The following DNAI4 variants were observed in gnomAD, a reference collection of about 807,000 sequenced individuals.
DNAI4 encodes dynein axonemal intermediate chain 4.
DNAI4 carries 85 observed loss-of-function variants against 105.8 expected under a neutral mutation model. The ratio of observed to expected loss-of-function variants is 0.80; its 90% confidence interval spans 0.67 to 0.96. The LOEUF is 0.96. DNAI4 is among the 40% of genes least tolerant of loss of function. The probability of loss-of-function intolerance (pLI) is 0.00; values close to 1 mark genes in which losing one functional copy is unlikely to be tolerated. For synonymous variants in DNAI4, 352 were observed against 331.5 expected, an observed-to-expected ratio of 1.06 and a Z score of -0.67; for missense variants, 1,014 against 1,005.6, an observed-to-expected ratio of 1.01 and a Z score of -0.11.
At chr1:66,822,997 C>G (rs111682951) in intron 15 of DNAI4, among the ~76,000 whole-genome samples, 2 of 151,866 alleles carry the variant, frequency 1.3e-5, no homozygotes, top group Non-Finnish European at 2.9e-5. Flanking sequence ...CATGCTGGTG[C>G]GCTGCACCCA....
At chr1:66,835,961 T>C (rs535138227) in intron 10 of DNAI4, among the ~76,000 whole-genome samples, 184 bp from the exon 11 acceptor site, 102 of 151,758 alleles carry the variant, frequency 6.7e-4, no homozygotes, top group Admixed American at 2.0e-3. Flanking sequence ...GTCATTTCCT[T>C]TGATACAAGT....
rs767577821 is a variant in DNAI4 at position 66,833,944 on chromosome 1, T to C, written c.1891+47A>G. On this transcript the variant is annotated intron_variant, in intron 12 of 16. Transcript: ENST00000371026. ...TTCACACATGGTTAACTAGAAAATTTTAATTCAGCACGTAACAAGAAAAAT... is the reference window on the plus strand; with the variant it reads ...TTCACACATGGTTAACTAGAAAATTCTAATTCAGCACGTAACAAGAAAAAT... The C allele has an allele frequency of 1.6e-5, 24 of 1,541,608 alleles. No individual in the cohort carries two copies. The East Asian group carries it at 5.5e-4, about 35-fold the overall frequency.
At chr1:66,876,272 G>T (rs1646956739) in intron 4 of DNAI4, among the ~76,000 whole-genome samples, 1 of 152,070 alleles carries the variant, frequency 6.6e-6, no homozygotes, top group African/African-American at 2.4e-5. Flanking sequence ...TAAGTGAAAA[G>T]TCCACACAGG....
intron 4 of DNAI4, among the ~76,000 whole-genome samples, chr1:66,882,893 C>CT (rs1403882848): frequency 1.3e-5 from 2 of 151,974 alleles, no homozygotes; most frequent in Non-Finnish European, 2.9e-5. Context: ...TAACTGATAT[C>CT]TTTACAATAC....
chr1:66,895,653 C>T (rs763531443), intron 2 of DNAI4, among the ~76,000 whole-genome samples: 4 of 152,084 alleles, frequency 2.6e-5, no homozygotes, highest in Non-Finnish European at 4.4e-5. Context: ...TGAAATGCTT[C>T]ACCATTTGAC....
At chr1:66,826,197 G>C (rs1403282065) in intron 15 of DNAI4, among the ~76,000 whole-genome samples, 1 of 152,092 alleles carries the variant, frequency 6.6e-6, no homozygotes, top group Non-Finnish European at 1.5e-5. Context: ...AAATGCCTGT[G>C]TATGTTTCTC....
chr1:66,816,616 CA>C (rs1341393201), intron 16 of DNAI4, among the ~76,000 whole-genome samples: 2 of 151,856 alleles, frequency 1.3e-5, no homozygotes, highest in African/African-American at 4.8e-5. Flanking sequence ...CTAAGCCTTT[CA>C]AATATAGTGA....
At chr1:66,909,480 C>T (rs1649500254) in intron 1 of DNAI4, among the ~76,000 whole-genome samples, 1 of 151,000 alleles carries the variant, frequency 6.6e-6, no homozygotes, top group Admixed American at 6.6e-5. Flanking sequence ...GCTGTTTATT[C>T]TTTTCTCTTT....
At chr1:66,870,442 CAAAA>C (rs570013620) in intron 6 of DNAI4, among the ~76,000 whole-genome samples, 4 of 88,802 alleles carry the variant, frequency 4.5e-5, no homozygotes, top group Admixed American at 1.4e-4. Flanking sequence ...AACTGTGCCT[CAAAA>C]AAAAAAAAAA....
At chr1:66,875,063 G>A in intron 4 of DNAI4, 126 bp from the exon 5 acceptor site, 2 of 917,184 alleles carry the variant, frequency 2.2e-6, no homozygotes, top group South Asian at 3.7e-5. Flanking sequence ...CAAGGAACAG[G>A]CCAGGTTGTG....
chr1:66,893,343 G>T lies in DNAI4; in HGVS notation c.416C>A (p.Ala139Glu), dbSNP rs1169466033. The change falls in exon 3 of 17, where the codon GCA becomes GAA. Residue 139 changes from alanine (A) to glutamate (E), a missense_variant. Physicochemically the swap from Ala to Glu is moderately radical, Grantham distance 107. Transcript: ENST00000371026. ...TGATGTCAAGAGTTTACTTGGTTTT[G>T]CTGTACCAGTAAGTGGATCTGGATG... The part of the protein sequence containing the change: ...LYHPDPLTGT[A>E]KPSKLLTSQE... 1 of 1,609,722 alleles carries T rather than the reference G, an allele frequency of 6.2e-7. No homozygotes were observed. The highest frequency in any genetic ancestry group is 1.1e-5 in the South Asian group (1 of 90,432).
At chr1:66,907,258 T>C (rs1461286593) in intron 1 of DNAI4, among the ~76,000 whole-genome samples, 1 of 152,226 alleles carries the variant, frequency 6.6e-6, no homozygotes. Flanking sequence ...GTTTCTGTCA[T>C]ACCACAGACT....
At position 66,924,648 on chromosome 1, in the gene DNAI4, G is replaced by A. The variant is rs751488520; in HGVS notation, c.170+14C>T. ...CCAGGGGGATGGACTACGGTTTTTA[G>A]CGCCGGAACTTACAACCCGAAGTTC... On this transcript the variant is annotated intron_variant, in intron 1 of 16. Transcript: ENST00000371026. 3 of 1,614,118 alleles carry A rather than the reference G, an allele frequency of 1.9e-6. No individual in the cohort carries two copies. Among genetic ancestry groups the A allele is most frequent in the Non-Finnish European group, 2.5e-6 (3 of 1,180,046 alleles).
At chr1:66,858,070 A>G (rs980399326) in intron 7 of DNAI4, among the ~76,000 whole-genome samples, 6 of 152,172 alleles carry the variant, frequency 3.9e-5, no homozygotes, top group African/African-American at 1.4e-4. Context: ...GAATTCTACC[A>G]AATACTAAAG....
intron 7 of DNAI4, among the ~76,000 whole-genome samples, chr1:66,849,151 C>G (rs1052389729): frequency 1.3e-5 from 2 of 152,196 alleles, no homozygotes; most frequent in African/African-American, 2.4e-5. Flanking sequence ...CAGAGTTGGA[C>G]TGGTGAAGAG....
At chr1:66,867,028 A>G (rs1292732191) in intron 6 of DNAI4, among the ~76,000 whole-genome samples, 1 of 152,160 alleles carries the variant, frequency 6.6e-6, no homozygotes, top group Non-Finnish European at 1.5e-5. Flanking sequence ...GAACTCACTC[A>G]CTATCAAGAA....
At chr1:66,899,808 C>A (rs1648654930) in intron 2 of DNAI4, among the ~76,000 whole-genome samples, 1 of 152,094 alleles carries the variant, frequency 6.6e-6, no homozygotes, top group Non-Finnish European at 1.5e-5. Flanking sequence ...ACAATTTGTT[C>A]AACAGAATAT....
chr1:66,868,386 G>A (rs1015900543), intron 6 of DNAI4, among the ~76,000 whole-genome samples: 2 of 152,160 alleles, frequency 1.3e-5, no homozygotes. Flanking sequence ...CTGGTTAAAC[G>A]TTGTATCTGG....
chr1:66,836,270 AAGAAAGAAAGAAAGAAAG>A (rs1646013322), intron 10 of DNAI4, among the ~76,000 whole-genome samples: 2 of 69,750 alleles, frequency 2.9e-5, no homozygotes, highest in South Asian at 4.7e-4. Flanking sequence ...GAAAGAAAGA[AAGAAAGAAAGAAAGAAAG>A]AAAGAAAGAA....
Sources: gnomAD v4.1 joint callset for allele counts (sites outside exome capture counted in the v4.1 genomes callset) on GRCh38, gnomAD v4.1.1 for gene constraint, MANE v1.5 for transcripts, NCBI Gene and HGNC (gene_info 2026-07-23, HGNC 2026-07-21) for gene names.